The following KALRN variants were observed in gnomAD, a reference collection of about 807,000 sequenced individuals.
The protein encoded by KALRN is kalirin.
Under a neutral mutation model 353.7 loss-of-function variants are expected in KALRN, and 70 were observed. That is an observed-to-expected ratio of 0.20 (90% CI 0.16 to 0.24). The LOEUF (loss-of-function observed/expected upper bound fraction) is 0.24, where lower values mean the gene tolerates loss of function less well. KALRN is among the 10% of genes least tolerant of loss of function. KALRN has a pLI of 1.00. For synonymous variants in KALRN, 1,391 were observed against 1,434.8 expected, an observed-to-expected ratio of 0.97 and a Z score of 0.69; for missense variants, 2,791 against 3,756.7, an observed-to-expected ratio of 0.74 and a Z score of 6.72.
In KALRN at chr3:124,434,407, A is replaced by G. The variant is rs1371798406; in HGVS notation, c.2930A>G (p.Asp977Gly). The G allele has an allele frequency of 1.2e-6, 2 of 1,614,194 alleles. No homozygotes were observed. The highest frequency in any genetic ancestry group is 2.2e-5 in the East Asian group (1 of 44,880). The change falls in exon 17 of 60, where the codon GAT (aspartate) becomes GGT (glycine). Residue 977 changes from aspartate (D) to glycine (G), a missense_variant. Physicochemically the swap from Asp to Gly is moderately conservative, Grantham distance 94. Transcript: ENST00000682506. Reference protein sequence around the residue: ...VLLQAGHYDADAIRECAEKVA... With the variant: ...VLLQAGHYDAGAIRECAEKVA... ...CTCCAGGCCGGCCACTACGATGCCG[A>G]TGCCATCCGGGAATGTGCTGAGAAG...
intron 6 of KALRN, among the ~76,000 whole-genome samples, chr3:124,325,347 A>G (rs1195479718): frequency 6.6e-6 from 1 of 152,144 alleles, no homozygotes; most frequent in Non-Finnish European, 1.5e-5. Context: ...TATTATTAGC[A>G]TGGAAAAGTG....
chr3:124,119,555 G>C (rs188479859), intron 1 of KALRN, among the ~76,000 whole-genome samples: 1 of 152,184 alleles, frequency 6.6e-6, no homozygotes, highest in Non-Finnish European at 1.5e-5. Context: ...GCTTCCAAGA[G>C]CAGCTTCCTC....
At chr3:124,627,677 G>A (rs932078680) in intron 34 of KALRN, among the ~76,000 whole-genome samples, 2 of 152,220 alleles carry the variant, frequency 1.3e-5, no homozygotes, top group African/African-American at 2.4e-5. Flanking sequence ...AAACTTATCA[G>A]CAGAAAGATA....
intron 11 of KALRN, among the ~76,000 whole-genome samples, chr3:124,392,963 G>T (rs1276830509): frequency 4.2e-5 from 4 of 95,246 alleles, no homozygotes; most frequent in African/African-American, 1.8e-4. Flanking sequence ...ACAGTCCCCA[G>T]AGTGTGATAT....
chr3:124,451,632 C>A (rs2058792903), intron 21 of KALRN, among the ~76,000 whole-genome samples: 2 of 152,138 alleles, frequency 1.3e-5, no homozygotes, highest in African/African-American at 4.8e-5. Flanking sequence ...ATATGTATGG[C>A]CACGTGTGGA....
intron 9 of KALRN, among the ~76,000 whole-genome samples, chr3:124,346,547 C>A (rs77441098): frequency 6.6e-6 from 1 of 152,090 alleles, no homozygotes; most frequent in Admixed American, 6.5e-5. Context: ...TGGTTGGTAT[C>A]GATTGGAGGA....
rs144277617 is a variant in KALRN, at chr3:124,234,848, C to T, written c.168C>T (p.Gly56=). Residue 56 remains glycine, a synonymous_variant, in exon 3 of 60, where the codon GGC becomes GGT. Transcript: ENST00000682506. ...AFVSGGRDKR[G]GPILTFPARS... ...TTGCAGGGGGTCGTGATAAGCGAGGCGGACCCATCCTGACCTTCCCTGCTC... is the reference window on the plus strand; with the variant it reads ...TTGCAGGGGGTCGTGATAAGCGAGGTGGACCCATCCTGACCTTCCCTGCTC... 252 of 1,604,472 alleles carry T rather than the reference C, an allele frequency of 1.6e-4. 1 individual carries two copies. In the East Asian group the frequency reaches 5.2e-3, roughly 33 times the overall value.
chr3:124,668,630 G>A (rs1208521100), intron 47 of KALRN, among the ~76,000 whole-genome samples: 1 of 152,276 alleles, frequency 6.6e-6, no homozygotes, highest in East Asian at 1.9e-4. Context: ...AAGTATTTTT[G>A]GGCCAGGCTC....
At position 124,720,430 on chromosome 3, in the gene KALRN, A is replaced by G. The variant is rs1044430944; in HGVS notation, c.*960A>G. On this transcript the variant is annotated 3_prime_UTR_variant, in exon 60 of 60. Coordinates refer to ENST00000682506, the MANE Select transcript of KALRN (RefSeq NM_001388419.1). ...AAAACCTTTCCTACAGTTCCTATGA[A>G]CAACGTACCAACACTTTCTGATTTC... 1 of 152,642 alleles carries G rather than the reference A, an allele frequency of 6.6e-6. No individual in the cohort carries two copies. The highest frequency in any genetic ancestry group is 2.1e-4 in the South Asian group (1 of 4,838). 9.5% of individuals were successfully genotyped at this position (152,642 alleles called of 1,614,324 possible).
Position 124,465,687 on chromosome 3 carries a change from G to A in KALRN, c.4031+3054G>A, listed in dbSNP as rs556355145. On this transcript the variant is annotated intron_variant, in intron 25 of 59. Transcript: ENST00000682506. ...TGAATATGAAAAAAAATCAAAGGAT[G>A]CTTTTTAACCCCAATTGTTTGTATT... Among the ~76,000 whole-genome samples the A allele has an allele frequency of 8.5e-5, 13 of 152,284 alleles. No homozygotes were observed. The South Asian group carries it at 2.7e-3, about 32-fold the overall frequency.
intron 9 of KALRN, among the ~76,000 whole-genome samples, chr3:124,336,392 C>A (rs909870470): frequency 6.6e-6 from 1 of 152,108 alleles, no homozygotes; most frequent in African/African-American, 2.4e-5. Context: ...AGTGAGGTAC[C>A]AGCCTCTGAA....
At chr3:124,421,020 T>A (rs1020275157) in intron 14 of KALRN, among the ~76,000 whole-genome samples, 9 of 152,190 alleles carry the variant, frequency 5.9e-5, no homozygotes, top group Admixed American at 5.2e-4. Flanking sequence ...GGCTTTTAAG[T>A]CTGAACCCCA....
At chr3:124,197,383 C>A (rs781428608) in intron 1 of KALRN, among the ~76,000 whole-genome samples, 4 of 152,190 alleles carry the variant, frequency 2.6e-5, no homozygotes, top group Non-Finnish European at 5.9e-5. Flanking sequence ...TGGAAGCAAG[C>A]CTTGTGTGCT....
At chr3:124,237,283 A>G (rs1249664175) in intron 3 of KALRN, among the ~76,000 whole-genome samples, 1 of 152,166 alleles carries the variant, frequency 6.6e-6, no homozygotes, top group Non-Finnish European at 1.5e-5. Flanking sequence ...CCAGGATGCT[A>G]AAAAGACAGG....
intron 2 of KALRN, among the ~76,000 whole-genome samples, chr3:124,229,316 A>C (rs2078911013): frequency 6.6e-6 from 1 of 152,254 alleles, no homozygotes; most frequent in South Asian, 2.1e-4. Flanking sequence ...GGTATGCCAG[A>C]ATCACTCTGG....
chr3:124,671,132 G>T (rs776630041), intron 47 of KALRN, among the ~76,000 whole-genome samples: 5 of 152,068 alleles, frequency 3.3e-5, no homozygotes, highest in Non-Finnish European at 7.3e-5. Context: ...CTCAAATGTC[G>T]CTCTCTGATG....
chr3:124,214,603 A>C (rs1259273191), intron 1 of KALRN, among the ~76,000 whole-genome samples: 1 of 152,126 alleles, frequency 6.6e-6, no homozygotes, highest in African/African-American at 2.4e-5. Flanking sequence ...CTGGGAGAGG[A>C]TTATGAGTGC....
At chr3:124,683,363 AG>A (rs2061424662) in intron 51 of KALRN, among the ~76,000 whole-genome samples, 1 of 152,146 alleles carries the variant, frequency 6.6e-6, no homozygotes, top group African/African-American at 2.4e-5. Context: ...CTTAGGACCC[AG>A]GTGAGGCAGG....
At position 124,624,592 on chromosome 3, in the gene KALRN, A is replaced by G. The variant is rs577465734; in HGVS notation, c.5183-7828A>G. Among the ~76,000 whole-genome samples, 18 of 152,294 alleles carry G rather than the reference A, an allele frequency of 1.2e-4. 1 individual carries two copies. The South Asian group carries it at 3.7e-3, about 32-fold the overall frequency. ...CTAATAACATCAACGTGCTTATTCT[A>G]ACCCCCAAGATGGTATCTGAGACCA... is the stretch of plus-strand genomic sequence containing the variant. On this transcript the variant is annotated intron_variant, in intron 34 of 59. Coordinates refer to ENST00000682506, the MANE Select transcript of KALRN (RefSeq NM_001388419.1).
Sources: allele counts gnomAD v4.1 joint callset (sites outside exome capture counted in the v4.1 genomes callset), GRCh38; gene constraint gnomAD v4.1.1; transcripts MANE v1.5; gene names NCBI Gene and HGNC (gene_info 2026-07-23, HGNC 2026-07-21).